WEE2: variants seen among roughly 807,000 people sequenced by gnomAD.
WEE2 encodes wee1-like protein kinase 2.
A neutral mutation model predicts 60.1 loss-of-function variants in WEE2; 50 were observed. The ratio of observed to expected loss-of-function variants is 0.83; its 90% CI spans 0.66 to 1.05. The LOEUF is 1.05. WEE2 is among the 50% of genes least tolerant of loss of function. WEE2 has a pLI of 0.00. For synonymous variants in WEE2, 240 were observed against 241.0 expected (o/e 1.00, Z 0.04); for missense variants, 631 against 684.3 (o/e 0.92, Z 0.87).
chr7:141,727,626 G>C (rs1417590159), intron 10 of WEE2, 180 bp downstream of exon 10: 3 of 688,134 alleles, frequency 4.4e-6, no homozygotes, highest in Non-Finnish European at 6.7e-6. Flanking sequence ...GGGCTGGGAG[G>C]CTCTGTGATT....
rs780832164 is a variant in WEE2 at position 141,725,057 on chromosome 7, T to A, written c.1253T>A (p.Phe418Tyr). The change falls in exon 9 of 12, where the codon TTT becomes TAT. Residue 418 changes from phenylalanine (F) to tyrosine (Y), a missense_variant. Physicochemically the swap from Phe to Tyr is conservative, Grantham distance 22. Transcript: ENST00000397541. ...CGGCACCTTCCCAAAGCAGACATAT[T>A]TGCCTTGGGATTAACAATTGCAGTG... is the stretch of plus-strand genomic sequence containing the variant. ...DYRHLPKADIFALGLTIAVAA... is the reference protein window; with the variant it reads ...DYRHLPKADIYALGLTIAVAA... 6.2e-7 allele frequency: 1 copy of A among 1,614,100 alleles called. No individual in the cohort carries two copies. The highest frequency in any genetic ancestry group is 1.1e-5 in the South Asian group (1 of 91,062).
intron 9 of WEE2, 66 bp from the exon 10 acceptor site, chr7:141,727,238 T>A: frequency 6.4e-7 from 1 of 1,552,102 alleles, no homozygotes; most frequent in Middle Eastern, 1.7e-4. Flanking sequence ...TGGAGTTGGC[T>A]TGAATGGGAA....
chr7:141,725,128 C>T lies in WEE2; in HGVS notation c.1324C>T (p.His442Tyr). The T allele has an allele frequency of 6.2e-7, 1 of 1,614,180 alleles. No individual in the cohort carries two copies. The highest frequency in any genetic ancestry group is 8.5e-7 in the Non-Finnish European group (1 of 1,180,018). The change falls in exon 9 of 12, where the codon CAT (histidine) becomes TAT (tyrosine). Residue 442 changes from histidine to tyrosine, a missense_variant. His to Tyr is a moderately conservative substitution (Grantham distance 83). Coordinates refer to ENST00000397541, the MANE Select transcript of WEE2 (RefSeq NM_001105558.1). ...SLPTNGAAWH[H>Y]IRKGNFPDVP... ...GCCCACCAATGGTGCTGCATGGCAC[C>T]ATATCCGCAAGGGTAACTTTCCGGA...
At chr7:141,718,774 T>A (rs1210555750) in intron 3 of WEE2, among the ~76,000 whole-genome samples, 1 of 152,162 alleles carries the variant, frequency 6.6e-6, no homozygotes, top group African/African-American at 2.4e-5. Flanking sequence ...TGAGAAGTTG[T>A]GTCCCCTTAG....
intron 3 of WEE2, among the ~76,000 whole-genome samples, chr7:141,716,973 A>G (rs1212522331): frequency 6.6e-6 from 1 of 152,226 alleles, no homozygotes; most frequent in East Asian, 1.9e-4. Flanking sequence ...TGTAACAGCA[A>G]AAAAGGGGGG....
chr7:141,723,802 C>CAAA, intron 6 of WEE2, 139 bp from the exon 7 acceptor site: 72 of 499,172 alleles, frequency 1.4e-4, no homozygotes, highest in Non-Finnish European at 2.3e-4. Flanking sequence ...AGATTTCATA[C>CAAA]AAAAAAAAAA....
intron 3 of WEE2, among the ~76,000 whole-genome samples, chr7:141,718,063 G>GA (rs1563014071): frequency 6.6e-6 from 1 of 152,152 alleles, no homozygotes; most frequent in Non-Finnish European, 1.5e-5. Context: ...ATCCAGACAA[G>GA]AAGGGAACAG....
chr7:141,710,585 GA>G (rs1219278257), intron 1 of WEE2, among the ~76,000 whole-genome samples: 6 of 152,184 alleles, frequency 3.9e-5, no homozygotes, highest in Non-Finnish European at 1.5e-5. Context: ...AGCATGATGA[GA>G]AGGAATTAGG....
intron 4 of WEE2, 121 bp from the exon 5 acceptor site, chr7:141,720,814 A>G: frequency 9.5e-7 from 1 of 1,049,438 alleles, no homozygotes; most frequent in South Asian, 1.5e-5. Context: ...ATAGTAAGCA[A>G]GCAGTGAGCT....
At position 141,708,805 on chromosome 7, in the gene WEE2, T is replaced by C; in HGVS notation, c.47T>C (p.Phe16Ser). ...IDKELRQKLN[F>S]SYCEETEIEG... The stretch of plus-strand genomic sequence containing the variant: ...AAAGAACTAAGGCAGAAATTAAACT[T>C]TTCCTATTGTGAGGAGACTGAGATT... Residue 16 changes from phenylalanine (F) to serine (S), a missense_variant, in exon 1 of 12, where the codon TTT becomes TCT. Physicochemically the swap from Phe to Ser is radical, Grantham distance 155. Coordinates refer to ENST00000397541, the MANE Select transcript of WEE2 (RefSeq NM_001105558.1). 1 of 1,614,080 alleles carries C rather than the reference T, an allele frequency of 6.2e-7. No homozygotes were observed. The highest frequency in any genetic ancestry group is 8.5e-7 in the Non-Finnish European group (1 of 1,179,996).
Position 141,730,304 on chromosome 7 carries a change from G to GT in WEE2, c.1689dup (p.Glu564Ter), listed in dbSNP as rs1563018761. The GT allele has an allele frequency of 6.2e-7, 1 of 1,613,296 alleles. No individual in the cohort carries two copies. Among genetic ancestry groups the GT allele is most frequent in the South Asian group, 1.1e-5 (1 of 90,860 alleles). ...CACTTTTGATGAACAGCAGGAGAGCGTGAGCCTCTGCATTAAAGGAAGAAA... is the reference window on the plus strand; with the variant it reads ...CACTTTTGATGAACAGCAGGAGAGCGTTGAGCCTCTGCATTAAAGGAAGAAA... On this transcript the variant is annotated frameshift_variant, in exon 12 of 12. Coordinates refer to ENST00000397541, the MANE Select transcript of WEE2 (RefSeq NM_001105558.1). LOFTEE classifies it high-confidence loss of function.
chr7:141,724,983 C>T (rs762315204), intron 8 of WEE2, 43 bp from the exon 9 acceptor site: 2 of 1,595,108 alleles, frequency 1.3e-6, no homozygotes, highest in Admixed American at 1.7e-5. Context: ...TAGACTCACC[C>T]TGCTTGGCAT....
chr7:141,710,362 A>G (rs1327844478), intron 1 of WEE2, among the ~76,000 whole-genome samples: 1 of 152,184 alleles, frequency 6.6e-6, no homozygotes, highest in Non-Finnish European at 1.5e-5. Flanking sequence ...ATGGGGGAGA[A>G]TGGGCTGAGA....
intron 6 of WEE2, 184 bp from the exon 7 acceptor site, chr7:141,723,757 G>T: frequency 1.9e-6 from 1 of 521,852 alleles, no homozygotes. Context: ...ACTTAAATAG[G>T]TATTATCAAT....
rs1799032345 is a variant in WEE2, at chr7:141,727,177, C to T, written c.1393-127C>T. 8 of 1,014,846 alleles carry T rather than the reference C, an allele frequency of 7.9e-6. 1 individual carries two copies. Among genetic ancestry groups the T allele is most frequent in the African/African-American group, 1.6e-5 (1 of 61,928 alleles). The allele number at this position is 1,014,846 out of a possible 1,614,324, so 62.9% of individuals were successfully genotyped here. ...GGAGCTCAGTTTTCATTTCTTTCCT[C>T]TGCACAAAGCAGAAGCAATGTCTTA... On this transcript the variant is annotated intron_variant, in intron 9 of 11. Coordinates refer to ENST00000397541, the MANE Select transcript of WEE2 (RefSeq NM_001105558.1).
Position 141,708,650 on chromosome 7 carries a change from C to G in WEE2, c.-109C>G, listed in dbSNP as rs566578187. ...GTTGGTAGAGGGAAATTCAGGCTAC[C>G]GTCGCGAAACCTGCAGGTTAAGTTA... On this transcript the variant is annotated 5_prime_UTR_variant, in exon 1 of 12. Transcript: ENST00000397541. 37 of 901,150 alleles carry G rather than the reference C, an allele frequency of 4.1e-5. No homozygotes were observed. The highest frequency in any genetic ancestry group is 6.0e-5 in the Non-Finnish European group (35 of 582,120). 55.8% of individuals were successfully genotyped at this position (901,150 alleles called of 1,614,324 possible).
chr7:141,712,864 C>A (rs1293249236), intron 1 of WEE2, among the ~76,000 whole-genome samples: 1 of 152,148 alleles, frequency 6.6e-6, no homozygotes, highest in Non-Finnish European at 1.5e-5. Context: ...TGACTTACTA[C>A]AAAATGCTAG....
intron 4 of WEE2, among the ~76,000 whole-genome samples, chr7:141,720,054 A>G (rs1019422662): frequency 3.5e-4 from 53 of 151,778 alleles, no homozygotes; most frequent in African/African-American, 1.3e-3. Flanking sequence ...ATATTTTCAG[A>G]TCAGCCAAGG....
At position 141,729,521 on chromosome 7, in the gene WEE2, C is replaced by A; in HGVS notation, c.1536-10C>A. 6.2e-7 allele frequency: 1 copy of A among 1,614,164 alleles called. No homozygotes were observed. Among genetic ancestry groups the A allele is most frequent in the Non-Finnish European group, 8.5e-7 (1 of 1,180,020 alleles). Reference sequence around the variant, plus strand: ...CAAGTAGCCTTTGCTTTTTCTCCCTCGCACTTCAGGGAACTGAGAGAAGCC... The same window carrying A: ...CAAGTAGCCTTTGCTTTTTCTCCCTAGCACTTCAGGGAACTGAGAGAAGCC... On this transcript the variant is annotated splice_polypyrimidine_tract_variant and intron_variant, in intron 10 of 11. Coordinates refer to ENST00000397541, the MANE Select transcript of WEE2 (RefSeq NM_001105558.1).
Sources: allele counts gnomAD v4.1 joint callset (sites outside exome capture counted in the v4.1 genomes callset), GRCh38; gene constraint gnomAD v4.1.1; transcripts MANE v1.5; gene names NCBI Gene and HGNC (gene_info 2026-07-23, HGNC 2026-07-21).